The following CEP152 variants were observed in gnomAD, a reference collection of about 807,000 sequenced individuals.
CEP152 encodes the protein centrosomal protein 152, also known as centrosomal protein of 152 kDa.
Under a neutral mutation model 188.9 loss-of-function variants are expected in CEP152, and 132 were observed. That is an observed-to-expected ratio of 0.70 (90% CI 0.61 to 0.81). The LOEUF is 0.81. Among genes scored for constraint, CEP152 ranks in the 30% least tolerant of loss-of-function variants. The pLI is 0.00. For missense variants in CEP152, 1,914 were observed against 1,969.8 expected (o/e 0.97, Z 0.54); for synonymous variants, 649 against 666.6 (o/e 0.97, Z 0.41).
At chr15:48,796,772 C>A (rs1220539643) in intron 5 of CEP152, among the ~76,000 whole-genome samples, 11 of 151,756 alleles carry the variant, frequency 7.2e-5, no homozygotes, top group Non-Finnish European at 1.5e-4. Context: ...TCATTAAACT[C>A]CCCCCCAGGA....
chr15:48,802,959 C>G (rs898304317), intron 2 of CEP152, among the ~76,000 whole-genome samples: 5 of 152,238 alleles, frequency 3.3e-5, no homozygotes, highest in African/African-American at 1.2e-4. Flanking sequence ...GTATTAGCAA[C>G]TAGCCTTTCA....
At position 48,782,126 on chromosome 15, in the gene CEP152, T is replaced by C. The variant is rs1448733944; in HGVS notation, c.1413+13A>G. On this transcript the variant is annotated intron_variant, in intron 11 of 26. Coordinates refer to ENST00000380950, the MANE Select transcript of CEP152 (RefSeq NM_001194998.2). ...AGATACCCATAGAGCCTCTTCCAAG[T>C]GGCAACACTCACTTGCAAAGCCTTG... 6.2e-7 allele frequency: 1 copy of C among 1,609,874 alleles called. No homozygotes were observed. Among genetic ancestry groups the C allele is most frequent in the South Asian group, 1.1e-5 (1 of 90,988 alleles).
At position 48,762,668 on chromosome 15, in the gene CEP152, T is replaced by C. The variant is rs1421628731; in HGVS notation, c.2285A>G (p.Lys762Arg). ...EKEQQTQEKI[K>R]EKLIQQLEKE... ...TTCAAGCTGTTGAATGAGTTTTTCT[T>C]TGATCTGTTTTCAGAAGAAAAATCA... Residue 762 changes from lysine to arginine, a missense_variant, in exon 18 of 27, where the codon AAA (lysine) becomes AGA (arginine). Transcript: ENST00000380950. 1 of 1,613,394 alleles carries C rather than the reference T, an allele frequency of 6.2e-7. No individual in the cohort carries two copies. The highest frequency in any genetic ancestry group is 8.5e-7 in the Non-Finnish European group (1 of 1,179,942).
Position 48,748,472 on chromosome 15 carries a change from T to C in CEP152, c.3605A>G (p.Lys1202Arg). Reference sequence around the variant, plus strand: ...AATTTTTTCCACTACAGCTTTGTGCTTCCTTTCTAAATGCTGAAGATGCCT... The same window carrying C: ...AATTTTTTCCACTACAGCTTTGTGCCTCCTTTCTAAATGCTGAAGATGCCT... The part of the protein sequence containing the change: ...CCRHLQHLER[K>R]HKAVVEKIGE... The change falls in exon 22 of 27, where the codon AAG becomes AGG. Residue 1202 changes from lysine (K) to arginine (R), a missense_variant. By Grantham distance (26) the Lys-to-Arg change is conservative. Transcript: ENST00000380950. 1 of 1,534,458 alleles carries C rather than the reference T, an allele frequency of 6.5e-7. No homozygotes were observed. Among genetic ancestry groups the C allele is most frequent in the Non-Finnish European group, 8.7e-7 (1 of 1,146,124 alleles).
intron 5 of CEP152, among the ~76,000 whole-genome samples, chr15:48,796,388 T>C (rs889124615): frequency 6.6e-6 from 1 of 151,954 alleles, no homozygotes; most frequent in Non-Finnish European, 1.5e-5. Flanking sequence ...AAGTCTGCAA[T>C]ACATAATTTA....
At chr15:48,747,585 T>C (rs1413188282) in intron 22 of CEP152, among the ~76,000 whole-genome samples, 1 of 152,134 alleles carries the variant, frequency 6.6e-6, no homozygotes, top group East Asian at 1.9e-4. Flanking sequence ...ATCTTCTGAG[T>C]TGAATCCTAA....
rs776993404 is a variant in CEP152, at chr15:48,742,034, A to G, written c.3902T>C (p.Leu1301Pro). Reference protein sequence around the residue: ...RAAEMVKAEVLRERQETARKM... With the variant: ...RAAEMVKAEVPRERQETARKM... ...TCGGGCGGTTTCTTGACGTTCTCGC[A>G]GTACCTCTGCTTTTACCATTTCTGC... Residue 1301 changes from leucine (L) to proline (P), a missense_variant, in exon 25 of 27, where the codon CTG (leucine) becomes CCG (proline). Transcript: ENST00000380950. The G allele has an allele frequency of 6.2e-7, 1 of 1,614,184 alleles. No homozygotes were observed. Among genetic ancestry groups the G allele is most frequent in the Non-Finnish European group, 8.5e-7 (1 of 1,180,020 alleles).
At chr15:48,805,796 C>G (rs977289175) in intron 1 of CEP152, 140 bp from the exon 2 acceptor site, 2 of 1,129,572 alleles carry the variant, frequency 1.8e-6, no homozygotes, top group Non-Finnish European at 2.5e-6. Context: ...CAGTTATGGC[C>G]AATAAAAATA....
At chr15:48,784,544 A>C (rs1370811112) in intron 9 of CEP152, among the ~76,000 whole-genome samples, 1 of 152,238 alleles carries the variant, frequency 6.6e-6, no homozygotes, top group Non-Finnish European at 1.5e-5. Flanking sequence ...GTAAGGATAT[A>C]GATAAACACA....
rs550882273 is a variant in CEP152 at position 48,745,116 on chromosome 15, G to A, written c.3635-124C>T. The A allele has an allele frequency of 8.4e-5, 53 of 630,464 alleles. No homozygotes were observed. The South Asian group carries it at 1.2e-3, about 14-fold the overall frequency. The allele number at this position is 630,464 out of a possible 1,614,324, so 39.1% of individuals were successfully genotyped here. ...CAATTTCCAGTCGCTTTTCTGTAAC[G>A]TTCATCCCCTTAGAAACCCTACTCA... On this transcript the variant is annotated intron_variant, in intron 22 of 26. Coordinates refer to ENST00000380950, the MANE Select transcript of CEP152 (RefSeq NM_001194998.2).
At chr15:48,770,588 G>A (rs1895458799) in intron 13 of CEP152, among the ~76,000 whole-genome samples, 1 of 152,072 alleles carries the variant, frequency 6.6e-6, no homozygotes, top group Non-Finnish European at 1.5e-5. Context: ...CTAAATCCTA[G>A]AGCACTCCCA....
In CEP152 at chr15:48,757,462, G is replaced by A. The variant is rs186117480; in HGVS notation, c.2695-909C>T. On this transcript the variant is annotated intron_variant, in intron 19 of 26. Transcript: ENST00000380950. The stretch of plus-strand genomic sequence containing the variant: ...ATGTAGTTATTACTTTTGGATGCAT[G>A]GCCTTGCAAAAGTCACTTAATCTCT... 3.2e-4 allele frequency among the ~76,000 whole-genome samples: 48 copies of A among 152,316 alleles called. No homozygotes were observed. The East Asian group carries it at 8.7e-3, about 28-fold the overall frequency.
chr15:48,752,284 A>C (rs951469442), intron 21 of CEP152, 65 bp downstream of exon 21: 1 of 1,613,438 alleles, frequency 6.2e-7, no homozygotes, highest in Non-Finnish European at 8.5e-7. Flanking sequence ...TTTTATCCTC[A>C]AAGCAACCCT....
chr15:48,799,628 G>A (rs1249781849), intron 2 of CEP152, among the ~76,000 whole-genome samples: 1 of 152,100 alleles, frequency 6.6e-6, no homozygotes, highest in Non-Finnish European at 1.5e-5. Context: ...CCACATGCAA[G>A]GTACTTGAAA....
intron 20 of CEP152, among the ~76,000 whole-genome samples, chr15:48,752,980 G>T (rs1485442414): frequency 6.6e-6 from 1 of 152,172 alleles, no homozygotes; most frequent in Non-Finnish European, 1.5e-5. Flanking sequence ...CAGTAATTTT[G>T]TAAGGAAGGC....
intron 1 of CEP152, among the ~76,000 whole-genome samples, chr15:48,807,323 T>G (rs926319275): frequency 2.0e-5 from 3 of 152,334 alleles, no homozygotes; most frequent in Non-Finnish European, 4.4e-5. Flanking sequence ...CACAATCTCA[T>G]GTCTCTAGAT....
At chr15:48,789,357 T>G (rs1488261263) in intron 8 of CEP152, 1 of 299,818 alleles carries the variant, frequency 3.3e-6, no homozygotes, top group East Asian at 7.4e-5. Flanking sequence ...AAGTGTGGGG[T>G]AACCCAATTG....
rs926445971 is a variant in CEP152 at position 48,800,856 on chromosome 15, G to GA, written c.88-2806dup. ...CTACTTCATGTTTCTTTCTTAAAAAGAAAAAAAAAGAGAGCATTTTACTCA... is the reference window on the plus strand; with the variant it reads ...CTACTTCATGTTTCTTTCTTAAAAAGAAAAAAAAAAGAGAGCATTTTACTCA... On this transcript the variant is annotated intron_variant, in intron 2 of 26. Transcript: ENST00000380950. 1.7e-4 allele frequency among the ~76,000 whole-genome samples: 25 copies of GA among 148,818 alleles called. No individual in the cohort carries two copies. In the East Asian group the frequency reaches 2.0e-3, roughly 12 times the overall value.
chr15:48,787,162 C>CTTTTTTTT lies in CEP152; in HGVS notation c.1173+1638_1173+1639insAAAAAAAA, dbSNP rs1567018509. Among the ~76,000 whole-genome samples the CTTTTTTTT allele has an allele frequency of 3.0e-3, 110 of 37,006 alleles. 1 individual carries two copies. The highest frequency in any genetic ancestry group is 5.5e-3 in the Admixed American group (17 of 3,066). The allele number at this position is 37,006 out of a possible 152,430, so 24.3% of individuals were successfully genotyped here. The stretch of plus-strand genomic sequence containing the variant: ...CTTTTCAATAATTTGGTATAGCCTT[C>CTTTTTTTT]GTTTTTTTTTTTTTTTTTTTCTGGA... On this transcript the variant is annotated intron_variant, in intron 9 of 26. Coordinates refer to ENST00000380950, the MANE Select transcript of CEP152 (RefSeq NM_001194998.2).
Sources: gnomAD v4.1 joint callset for allele counts (sites outside exome capture counted in the v4.1 genomes callset) on GRCh38, gnomAD v4.1.1 for gene constraint, MANE v1.5 for transcripts, NCBI Gene and HGNC (gene_info 2026-07-23, HGNC 2026-07-21) for gene names.